Variants in TMEM30A observed in about 807,000 individuals in gnomAD.
TMEM30A encodes the protein cell cycle control protein 50A.
In TMEM30A, 24 loss-of-function variants were observed where a neutral mutation model predicts 38.2. The observed-to-expected ratio is 0.63, with a 90% CI of 0.46 to 0.88. The LOEUF is 0.88. Ranked by LOEUF, TMEM30A falls within the 40% of genes least tolerant of loss-of-function variation. The pLI is 0.00. For synonymous variants in TMEM30A, 145 were observed against 161.6 expected, an observed-to-expected ratio of 0.90 and a Z score of 0.78; for missense variants, 370 against 458.6, an observed-to-expected ratio of 0.81 and a Z score of 1.77.
At chr6:75,256,452 A>G (rs981051438) in intron 6 of TMEM30A, among the ~76,000 whole-genome samples, 157 bp from the exon 7 acceptor site, 10 of 151,600 alleles carry the variant, frequency 6.6e-5, no homozygotes, top group African/African-American at 2.2e-4. Context: ...ACACACACAC[A>G]AAGTATTATC....
chr6:75,267,827 A>T (rs1772094900), intron 1 of TMEM30A, 79 bp from the exon 2 acceptor site: 1 of 873,896 alleles, frequency 1.1e-6, no homozygotes, highest in African/African-American at 1.7e-5. Flanking sequence ...TTGCTATTAA[A>T]AGGAAAATTA....
At chr6:75,276,259 C>T (rs940709106) in intron 1 of TMEM30A, among the ~76,000 whole-genome samples, 7 of 152,068 alleles carry the variant, frequency 4.6e-5, no homozygotes, top group South Asian at 2.1e-4. Context: ...AACGGGTAAA[C>T]GTAAATAAAG....
At chr6:75,259,219 G>A (rs976050641) in intron 5 of TMEM30A, 128 bp downstream of exon 5, 3 of 1,031,074 alleles carry the variant, frequency 2.9e-6, no homozygotes, top group East Asian at 5.1e-5. Context: ...ACCTAACTTG[G>A]TATGAAGCTG....
Position 75,284,599 on chromosome 6 carries a change from C to T in TMEM30A, c.40G>A (p.Gly14Arg), listed in dbSNP as rs1490710529. ...NYNAKDEVDG[G>R]PPCAPGGTAK... Reference sequence around the variant, plus strand: ...GTGCCCCCCGGAGCACACGGGGGCCCACCGTCCACTTCATCCTTCGCGTTA... The same window carrying T: ...GTGCCCCCCGGAGCACACGGGGGCCTACCGTCCACTTCATCCTTCGCGTTA... Residue 14 changes from glycine to arginine, a missense_variant, in exon 1 of 7, where the codon GGG becomes AGG. By Grantham distance (125) the Gly-to-Arg change is moderately radical. Transcript: ENST00000230461. 2.5e-6 allele frequency: 4 copies of T among 1,613,802 alleles called. No individual in the cohort carries two copies. In the East Asian group the frequency reaches 6.7e-5, roughly 27 times the overall value.
Position 75,284,789 on chromosome 6 carries a change from AGAG to A in TMEM30A, c.-154_-152del, listed in dbSNP as rs1159324954. The A allele has an allele frequency of 9.4e-6, 7 of 741,978 alleles. No homozygotes were observed. The highest frequency in any genetic ancestry group is 1.7e-5 in the African/African-American group (1 of 57,492). The allele number at this position is 741,978 out of a possible 1,614,324, so 46.0% of individuals were successfully genotyped here. A position where few individuals can be genotyped will look rare whatever the true frequency, so the allele number is the denominator to read the frequency against. On this transcript the variant is annotated 5_prime_UTR_variant, in exon 1 of 7. Transcript: ENST00000230461. ...ACAGCCACCTCCGCTGTAGAGCGGA[AGAG>A]GCGGGACACTCTTCCGCCAAAGGCT...
At chr6:75,275,926 T>C (rs1301879000) in intron 1 of TMEM30A, among the ~76,000 whole-genome samples, 1 of 152,144 alleles carries the variant, frequency 6.6e-6, no homozygotes, top group Non-Finnish European at 1.5e-5. Flanking sequence ...TGGAAGCTGG[T>C]CACTAGAAAG....
At chr6:75,284,377 T>A in intron 1 of TMEM30A, 25 bp downstream of exon 1, 1 of 1,609,070 alleles carries the variant, frequency 6.2e-7, no homozygotes, top group Non-Finnish European at 8.5e-7. Flanking sequence ...CAACGCCAAC[T>A]CCCACCACAG....
At chr6:75,284,323 G>A (rs1418825644) in intron 1 of TMEM30A, 79 bp downstream of exon 1, 11 of 1,380,466 alleles carry the variant, frequency 8.0e-6, no homozygotes, top group Non-Finnish European at 9.3e-6. Flanking sequence ...GATTCTGGGC[G>A]CTGGGAAAGA....
chr6:75,262,499 CG>C (rs1771985145), intron 3 of TMEM30A, among the ~76,000 whole-genome samples: 1 of 151,852 alleles, frequency 6.6e-6, no homozygotes, highest in South Asian at 2.1e-4. Context: ...AAAAATTAGC[CG>C]GGCATGGTGG....
At chr6:75,262,952 A>G (rs1346034291) in intron 3 of TMEM30A, among the ~76,000 whole-genome samples, 1 of 152,262 alleles carries the variant, frequency 6.6e-6, no homozygotes, top group East Asian at 1.9e-4. Context: ...CCCTGCCTTC[A>G]TGAGCTTACA....
At chr6:75,256,390 G>T in intron 6 of TMEM30A, 95 bp from the exon 7 acceptor site, 2 of 1,120,160 alleles carry the variant, frequency 1.8e-6, no homozygotes, top group Non-Finnish European at 2.6e-6. Flanking sequence ...TAATTCATTT[G>T]TGTAATTCTA....
chr6:75,275,191 G>A lies in TMEM30A; in HGVS notation c.238-7443C>T, dbSNP rs560005434. Among the ~76,000 whole-genome samples, 9 of 152,150 alleles carry A rather than the reference G, an allele frequency of 5.9e-5. No homozygotes were observed. In the South Asian group the frequency reaches 1.4e-3, roughly 25 times the overall value. On this transcript the variant is annotated intron_variant, in intron 1 of 6. Transcript: ENST00000230461. ...TTGCTAGTTCCTCCTTAGCTCCCCA[G>A]CCTCTAAACACTGGAGTGACTCAGG...
At chr6:75,267,298 T>C (rs1772086144) in intron 2 of TMEM30A, among the ~76,000 whole-genome samples, 1 of 152,210 alleles carries the variant, frequency 6.6e-6, no homozygotes, top group Non-Finnish European at 1.5e-5. Context: ...GTATCGTAAG[T>C]ATGCACAACA....
chr6:75,255,995 G>T lies in TMEM30A; in HGVS notation c.*107C>A. The T allele has an allele frequency of 1.3e-6, 1 of 741,694 alleles. No homozygotes were observed. Among genetic ancestry groups the T allele is most frequent in the Admixed American group, 3.2e-5 (1 of 30,838 alleles). The allele number at this position is 741,694 out of a possible 1,614,324, so 45.9% of individuals were successfully genotyped here. A position where few individuals can be genotyped will look rare whatever the true frequency, so the allele number is the denominator to read the frequency against. ...GACTGCTTTTTTTTAGAAAAGTTATGTGCCAACTTCAAAATGACATACTAA... is the reference window on the plus strand; with the variant it reads ...GACTGCTTTTTTTTAGAAAAGTTATTTGCCAACTTCAAAATGACATACTAA... On this transcript the variant is annotated 3_prime_UTR_variant, in exon 7 of 7. Transcript: ENST00000230461.
At chr6:75,258,371 T>A (rs1030207278) in intron 6 of TMEM30A, among the ~76,000 whole-genome samples, 2 of 152,176 alleles carry the variant, frequency 1.3e-5, no homozygotes, top group East Asian at 3.8e-4. Context: ...AACAATTACA[T>A]TGATACAAAT....
At chr6:75,277,068 ATTC>A (rs1447528336) in intron 1 of TMEM30A, among the ~76,000 whole-genome samples, 4 of 152,094 alleles carry the variant, frequency 2.6e-5, no homozygotes, top group Non-Finnish European at 5.9e-5. Flanking sequence ...CCCTTCCTTC[ATTC>A]TTCTTCATAG....
rs1373330597 is a variant in TMEM30A at position 75,259,477 on chromosome 6, C to T, written c.555G>A (p.Leu185=). 8.7e-6 allele frequency: 14 copies of T among 1,604,956 alleles called. No homozygotes were observed. Among genetic ancestry groups the T allele is most frequent in the Non-Finnish European group, 1.2e-5 (14 of 1,176,752 alleles). The stretch of plus-strand genomic sequence containing the variant: ...GATAAGAATCATTGCCAATGAGAAA[C>T]AATTCTAATGTATCTAAACACAAGC... ...ANSMFNDTLE[L]FLIGNDSYPI... is the part of the protein sequence containing the mutation. The change falls in exon 5 of 7, where the codon TTG becomes TTA. Residue 185 remains leucine, a synonymous_variant. Coordinates refer to ENST00000230461, the MANE Select transcript of TMEM30A (RefSeq NM_018247.4).
At chr6:75,256,992 A>G (rs1199565769) in intron 6 of TMEM30A, among the ~76,000 whole-genome samples, 9 of 152,286 alleles carry the variant, frequency 5.9e-5, no homozygotes, top group Middle Eastern at 3.4e-3. Context: ...CCATGCAAAA[A>G]GTTTACAACT....
intron 1 of TMEM30A, among the ~76,000 whole-genome samples, chr6:75,277,950 T>C (rs534138929): frequency 6.6e-6 from 1 of 152,276 alleles, no homozygotes; most frequent in East Asian, 1.9e-4. Context: ...ATTTTTGTTT[T>C]TTAAGGAGAA....
Sources: allele counts gnomAD v4.1 joint callset (sites outside exome capture counted in the v4.1 genomes callset), GRCh38; gene constraint gnomAD v4.1.1; transcripts MANE v1.5; gene names NCBI Gene and HGNC (gene_info 2026-07-23, HGNC 2026-07-21).